The following CAPN10 variants were observed in gnomAD, a reference collection of about 807,000 sequenced individuals.
The protein encoded by CAPN10 is calpain-10.
In CAPN10, 71 loss-of-function variants were observed where a neutral mutation model predicts 78.4. That is an observed-to-expected ratio of 0.91 (90% CI 0.75 to 1.10). The LOEUF (loss-of-function observed/expected upper bound fraction) is 1.10. Ranked by LOEUF, CAPN10 falls within the 50% of genes least tolerant of loss-of-function variation. CAPN10 has a pLI of 0.00. For synonymous variants in CAPN10, 437 were observed against 407.2 expected, an observed-to-expected ratio of 1.07 and a Z score of -0.88; for missense variants, 849 against 924.6, an observed-to-expected ratio of 0.92 and a Z score of 1.06.
chr2:240,596,865 T>A lies in CAPN10; in HGVS notation c.1666T>A (p.Cys556Ser), dbSNP rs747787989. 11 of 1,613,444 alleles carry A rather than the reference T, an allele frequency of 6.8e-6. No homozygotes were observed. The highest frequency in any genetic ancestry group is 9.3e-6 in the Non-Finnish European group (11 of 1,179,986). Residue 556 changes from cysteine (C) to serine (S), a missense_variant, in exon 9 of 12, where the codon TGC becomes AGC. Coordinates refer to ENST00000391984, the MANE Select transcript of CAPN10 (RefSeq NM_023083.4). ...GGTCCCCGAGGGCCCTGGCCCCCGCTGCGTCCGCATCACTCTGCATCAGCA... is the reference window on the plus strand; with the variant it reads ...GGTCCCCGAGGGCCCTGGCCCCCGCAGCGTCCGCATCACTCTGCATCAGCA... ...FSVPEGPGPR[C>S]VRITLHQHCR...
intron 8 of CAPN10, 43 bp from the exon 9 acceptor site, chr2:240,596,638 G>A (rs1207673289): frequency 2.6e-6 from 4 of 1,529,228 alleles, no homozygotes; most frequent in Admixed American, 2.1e-5. Context: ...GAGGCCACCG[G>A]GAACCTGCTG....
In CAPN10 at chr2:240,598,020, G is replaced by A. The variant is rs2093148351; in HGVS notation, c.1876G>A (p.Val626Met). ...CCTGCCTGCGGGCACCTACAAGGTT[G>A]TGCCCTCCACCTACCTGCCGGACAC... is the stretch of plus-strand genomic sequence containing the variant. The part of the protein sequence containing the change: ...CLLPAGTYKV[V>M]PSTYLPDTEG... Residue 626 changes from valine (V) to methionine (M), a missense_variant, in exon 10 of 12, where the codon GTG becomes ATG. Val to Met is a conservative substitution (Grantham distance 21, BLOSUM62 1). Transcript: ENST00000391984. 8 of 1,613,264 alleles carry A rather than the reference G, an allele frequency of 5.0e-6. No homozygotes were observed. The highest frequency in any genetic ancestry group is 5.9e-6 in the Non-Finnish European group (7 of 1,179,950).
At chr2:240,594,422 CG>C (rs1308013506) in intron 5 of CAPN10, 120 bp from the exon 6 acceptor site, 3 of 996,030 alleles carry the variant, frequency 3.0e-6, no homozygotes, top group Non-Finnish European at 4.5e-6. Flanking sequence ...AGCTGGGGCA[CG>C]GGGTTGCTGG....
chr2:240,587,143 A>C (rs1025280029), intron 1 of CAPN10, 91 bp downstream of exon 1: 2 of 727,814 alleles, frequency 2.7e-6, no homozygotes, highest in African/African-American at 3.7e-5. Context: ...CGGCCAGGGT[A>C]GCTCCGAACG....
At chr2:240,587,157 G>A (rs1484521133) in intron 1 of CAPN10, 105 bp downstream of exon 1, 1 of 600,228 alleles carries the variant, frequency 1.7e-6, no homozygotes, top group African/African-American at 1.9e-5. Context: ...CCGAACGCAG[G>A]GTCCGCCGTT....
At position 240,589,474 on chromosome 2, in the gene CAPN10, G is replaced by A. The variant is rs1314991285; in HGVS notation, c.273G>A (p.Gln91=). Residue 91 remains glutamine (Q), a splice_region_variant and synonymous_variant, in exon 2 of 12, where the codon CAG becomes CAA. Transcript: ENST00000391984. The part of the protein sequence containing the change: ...ALQKSRHLLD[Q]VIPPGQPSWA... ...AGAAGAGCAGGCACCTCCTGGACCAGGTGCGGGGCCCCTTCCCTGTGTTTG... is the reference window on the plus strand; with the variant it reads ...AGAAGAGCAGGCACCTCCTGGACCAAGTGCGGGGCCCCTTCCCTGTGTTTG... 13 of 1,611,144 alleles carry A rather than the reference G, an allele frequency of 8.1e-6. No homozygotes were observed. Among genetic ancestry groups the A allele is most frequent in the Non-Finnish European group, 1.1e-5 (13 of 1,178,852 alleles).
intron 7 of CAPN10, 108 bp downstream of exon 7, chr2:240,595,412 G>A (rs1451859784): frequency 1.1e-5 from 14 of 1,223,678 alleles, no homozygotes; most frequent in South Asian, 2.9e-5. Context: ...ACTCTGCCAC[G>A]GGCCCCACCA....
Position 240,592,069 on chromosome 2 carries a change from T to C in CAPN10, c.607T>C (p.Trp203Arg). 1 of 1,607,200 alleles carries C rather than the reference T, an allele frequency of 6.2e-7. No individual in the cohort carries two copies. The highest frequency in any genetic ancestry group is 8.5e-7 in the Non-Finnish European group (1 of 1,177,964). The change falls in exon 4 of 12, where the codon TGG becomes CGG. Residue 203 changes from tryptophan (W) to arginine (R), a missense_variant. Coordinates refer to ENST00000391984, the MANE Select transcript of CAPN10 (RefSeq NM_023083.4). The stretch of plus-strand genomic sequence containing the variant: ...AGGCCAGCAGGACAGGCCAGGCCGC[T>C]GGGAGCACAGGACTTGTCGGCAGCT... ...SGGQQDRPGR[W>R]EHRTCRQLLH...
intron 4 of CAPN10, chr2:240,592,393 G>A: frequency 1.4e-6 from 1 of 698,232 alleles, no homozygotes; most frequent in Non-Finnish European, 2.7e-6. Flanking sequence ...GGCAGGAAGA[G>A]GTGGCACCGA....
intron 5 of CAPN10, 21 bp downstream of exon 5, chr2:240,594,068 C>T: frequency 1.9e-6 from 3 of 1,558,994 alleles, no homozygotes; most frequent in African/African-American, 1.4e-5. Context: ...GGGCCTGGAC[C>T]ATGCTGCTGT....
chr2:240,594,794 A>G lies in CAPN10; in HGVS notation c.997+85A>G, dbSNP rs2125462932. 3 of 1,444,066 alleles carry G rather than the reference A, an allele frequency of 2.1e-6. No homozygotes were observed. The South Asian group carries it at 3.8e-5, about 18-fold the overall frequency. 89.5% of individuals were successfully genotyped at this position (1,444,066 alleles called of 1,614,324 possible). The stretch of plus-strand genomic sequence containing the variant: ...GCAGGTGCCTGGGTTCCCCCTGCCC[A>G]GGCCCAGTTTGGTTCTCTTCAGCGT... On this transcript the variant is annotated intron_variant, in intron 6 of 11. Coordinates refer to ENST00000391984, the MANE Select transcript of CAPN10 (RefSeq NM_023083.4).
rs1260514036 is a variant in CAPN10 at position 240,586,800 on chromosome 2, CCGGGCGGGGAA to C, written c.-102_-92del. On this transcript the variant is annotated 5_prime_UTR_variant, in exon 1 of 12. Transcript: ENST00000391984. ...GGGCCCTCGGGCTTGGAGGGCTGGG[CCGGGCGGGGAA>C]CGGGCGGGGCGGGCCGGAGGCGGCG... The C allele has an allele frequency of 3.0e-5, 33 of 1,113,412 alleles. No individual in the cohort carries two copies. Among genetic ancestry groups the C allele is most frequent in the South Asian group, 1.3e-4 (5 of 37,732 alleles). The allele number at this position is 1,113,412 out of a possible 1,614,324, so 69.0% of individuals were successfully genotyped here.
Position 240,598,063 on chromosome 2 carries a change from T to C in CAPN10, c.1919T>C (p.Val640Ala). 6.2e-7 allele frequency: 1 copy of C among 1,610,494 alleles called. No individual in the cohort carries two copies. Among genetic ancestry groups the C allele is most frequent in the Non-Finnish European group, 8.5e-7 (1 of 1,177,762 alleles). ...YLPDTEGAFTVTIATRIDRPS... is the reference protein window; with the variant it reads ...YLPDTEGAFTATIATRIDRPS... ...CCGGACACAGAGGGGGCCTTCACAG[T>C]GACCATCGCAACCAGGATTGACAGG... The change falls in exon 10 of 12, where the codon GTG becomes GCG. Residue 640 changes from valine to alanine, a missense_variant. Coordinates refer to ENST00000391984, the MANE Select transcript of CAPN10 (RefSeq NM_023083.4).
intron 9 of CAPN10, 142 bp downstream of exon 9, chr2:240,597,084 G>A (rs1232260961): frequency 2.0e-5 from 21 of 1,033,180 alleles, no homozygotes; most frequent in South Asian, 1.4e-4. Flanking sequence ...CCTAGAACCC[G>A]CACAGGGCCC....
intron 9 of CAPN10, 58 bp downstream of exon 9, chr2:240,597,000 A>G: frequency 6.2e-7 from 1 of 1,603,418 alleles, no homozygotes; most frequent in Non-Finnish European, 8.5e-7. Context: ...GAGAATTTGC[A>G]TCTTGGCCTC....
intron 7 of CAPN10, chr2:240,595,881 A>G (rs569913111): frequency 1.3e-5 from 16 of 1,231,316 alleles, no homozygotes; most frequent in Admixed American, 4.6e-5. Context: ...TGGGTCGAGG[A>G]TATGCCGGCT....
chr2:240,586,850 C>G lies in CAPN10; in HGVS notation c.-62C>G. 7.7e-7 allele frequency: 1 copy of G among 1,300,572 alleles called. No individual in the cohort carries two copies. Among genetic ancestry groups the G allele is most frequent in the Non-Finnish European group, 9.7e-7 (1 of 1,026,664 alleles). The allele number at this position is 1,300,572 out of a possible 1,614,324, so 80.6% of individuals were successfully genotyped here. A position where few individuals can be genotyped will look rare whatever the true frequency, so the allele number is the denominator to read the frequency against. ...CCGGAGGCGGCGGCGGCTGACTCGC[C>G]TTCTCTCCGGGGCTGCGACCCCGAG... On this transcript the variant is annotated 5_prime_UTR_variant, in exon 1 of 12. Transcript: ENST00000391984.
chr2:240,595,902 G>C lies in CAPN10; in HGVS notation c.1279-417G>C, dbSNP rs1417037281. The C allele has an allele frequency of 2.3e-6, 3 of 1,315,530 alleles. No homozygotes were observed. In the Admixed American group the frequency reaches 6.8e-5, roughly 30 times the overall value. The allele number at this position is 1,315,530 out of a possible 1,614,324, so 81.5% of individuals were successfully genotyped here. On this transcript the variant is annotated intron_variant, in intron 7 of 11. Coordinates refer to ENST00000391984, the MANE Select transcript of CAPN10 (RefSeq NM_023083.4). ...GAGGATATGCCGGCTGCTCGCTCAG[G>C]GGCTGGGTTTTCATCTTGTGTGTCT...
At position 240,597,958 on chromosome 2, in the gene CAPN10, C is replaced by T. The variant is rs2093147788; in HGVS notation, c.1814C>T (p.Pro605Leu). 6.2e-7 allele frequency: 1 copy of T among 1,612,882 alleles called. No homozygotes were observed. Among genetic ancestry groups the T allele is most frequent in the African/African-American group, 1.3e-5 (1 of 74,918 alleles). The change falls in exon 10 of 12, where the codon CCA becomes CTA. Residue 605 changes from proline (P) to leucine (L), a missense_variant. Transcript: ENST00000391984. ...CAGGAGCCGCTGCTGAGCTGCGTGC[C>T]ACATCGCTACGCCCAGGAGGTGAGC... ...LLQEPLLSCV[P>L]HRYAQEVSRL...
Sources: gnomAD v4.1 joint callset for allele counts on GRCh38, gnomAD v4.1.1 for gene constraint, MANE v1.5 for transcripts, NCBI Gene and HGNC (gene_info 2026-07-23, HGNC 2026-07-21) for gene names.